TSC2: variants seen among roughly 807,000 people sequenced by gnomAD.
TSC2 encodes the protein tuberin.
TSC2 carries 29 observed loss-of-function variants against 202.2 expected under a neutral mutation model. The ratio of observed to expected loss-of-function variants is 0.14; its 90% CI spans 0.11 to 0.20. TSC2 has a LOEUF of 0.20. Among genes scored for constraint, TSC2 ranks in the 10% least tolerant of loss-of-function variants. The probability of loss-of-function intolerance (pLI) is 1.00; values close to 1 mark genes in which losing one functional copy is unlikely to be tolerated. For missense variants in TSC2, 2,429 were observed against 2,420.0 expected (o/e 1.00, Z -0.08); for synonymous variants, 1,349 against 1,044.0 (o/e 1.29, Z -5.63).
chr16:2,083,990 G>A (rs1426626297), intron 33 of TSC2, among the ~76,000 whole-genome samples, 174 bp downstream of exon 33: 1 of 152,250 alleles, frequency 6.6e-6, no homozygotes, highest in African/African-American at 2.4e-5. Flanking sequence ...ACCTGGGCCG[G>A]CCCTGGCTGC....
At chr16:2,081,991 C>G (rs1567512379) in intron 31 of TSC2, 193 bp downstream of exon 31, 1 of 801,870 alleles carries the variant, frequency 1.2e-6, no homozygotes, top group Non-Finnish European at 2.0e-6. Context: ...GCTCAGGAAG[C>G]TGGGGCTGGC....
intron 38 of TSC2, among the ~76,000 whole-genome samples, chr16:2,087,622 C>CCCCAGCAATTAGAGGTGT (rs1021674032): frequency 7.2e-5 from 11 of 152,120 alleles, no homozygotes; most frequent in East Asian, 3.9e-4. Flanking sequence ...AGTGGAGGTG[C>CCCCAGCAATTAGAGGTGT]CCCAGCAATT....
intron 26 of TSC2, chr16:2,078,456 T>G (rs1241016415): frequency 5.7e-6 from 1 of 175,432 alleles, no homozygotes; most frequent in Non-Finnish European, 1.2e-5. Flanking sequence ...GTGGTAGAGG[T>G]GCTCGGTGAG....
chr16:2,072,960 A>G lies in TSC2; in HGVS notation c.2332A>G (p.Asn778Asp), dbSNP rs1060500946. 6.2e-7 allele frequency: 1 copy of G among 1,613,554 alleles called. No individual in the cohort carries two copies. ...PVLTALISYH[N>D]YLDKTKQREM... ...GCTGACAGCATTAATCTCTTACCAT[A>G]ACTACCTGGACAAAACCAAACAGGT... Residue 778 changes from asparagine (N) to aspartate (D), a missense_variant, in exon 21 of 42, where the codon AAC becomes GAC. Coordinates refer to ENST00000219476, the MANE Select transcript of TSC2 (RefSeq NM_000548.5).
chr16:2,069,359 C>A (rs151255298), intron 16 of TSC2, among the ~76,000 whole-genome samples: 6 of 152,184 alleles, frequency 3.9e-5, no homozygotes, highest in Non-Finnish European at 5.9e-5. Flanking sequence ...CTCTGTCGCC[C>A]CAGCTGGAGT....
At chr16:2,082,158 C>G (rs1162438770) in intron 31 of TSC2, 12 of 594,746 alleles carry the variant, frequency 2.0e-5, no homozygotes, top group Non-Finnish European at 3.3e-5. Flanking sequence ...GGGCCCCCAC[C>G]CCACTCGGCA....
intron 32 of TSC2, chr16:2,082,899 C>A (rs748821625): frequency 2.6e-6 from 1 of 387,274 alleles, no homozygotes; most frequent in Non-Finnish European, 5.0e-6. Context: ...CCCCTGGCCT[C>A]TGGAACCCAC....
Position 2,072,226 on chromosome 16 carries a change from C to T in TSC2, c.2098-15C>T, listed in dbSNP as rs775111741. ...GGTCCAGAAGGCCCTGTCCTGACGCCTCCTCTCCTCGCAGGAGTCTGACTG... is the reference window on the plus strand; with the variant it reads ...GGTCCAGAAGGCCCTGTCCTGACGCTTCCTCTCCTCGCAGGAGTCTGACTG... On this transcript the variant is annotated splice_polypyrimidine_tract_variant and intron_variant, in intron 19 of 41. Transcript: ENST00000219476. The T allele has an allele frequency of 6.2e-7, 1 of 1,613,918 alleles. No individual in the cohort carries two copies. The highest frequency in any genetic ancestry group is 8.5e-7 in the Non-Finnish European group (1 of 1,180,042).
Position 2,056,968 on chromosome 16 carries a change from T to C in TSC2, c.775-137T>C. Reference sequence around the variant, plus strand: ...CATTTTGAGAACCCTGCTGCCTCTGTCTTTGGGAGGAGATGGTGGCGAGCT... The same window carrying C: ...CATTTTGAGAACCCTGCTGCCTCTGCCTTTGGGAGGAGATGGTGGCGAGCT... On this transcript the variant is annotated intron_variant, in intron 8 of 41. Transcript: ENST00000219476. 3.6e-6 allele frequency: 5 copies of C among 1,375,296 alleles called. No homozygotes were observed. The Admixed American group carries it at 9.8e-5, about 27-fold the overall frequency. 85.2% of individuals were successfully genotyped at this position (1,375,296 alleles called of 1,614,324 possible).
At position 2,064,142 on chromosome 16, in the gene TSC2, C is replaced by T. The variant is rs2086987614; in HGVS notation, c.1444-130C>T. 7 of 1,464,680 alleles carry T rather than the reference C, an allele frequency of 4.8e-6. No individual in the cohort carries two copies. The South Asian group carries it at 8.0e-5, about 17-fold the overall frequency. 90.7% of individuals were successfully genotyped at this position (1,464,680 alleles called of 1,614,324 possible). A position where few individuals can be genotyped will look rare whatever the true frequency, so the allele number is the denominator to read the frequency against. Reference sequence around the variant, plus strand: ...CGCGCTCAGCGGGTGCTTGTGCTCTCTGCCCAGCTGTGCTGAAGTCCCGAG... The same window carrying T: ...CGCGCTCAGCGGGTGCTTGTGCTCTTTGCCCAGCTGTGCTGAAGTCCCGAG... On this transcript the variant is annotated intron_variant, in intron 14 of 41. Transcript: ENST00000219476.
chr16:2,064,341 C>G lies in TSC2; in HGVS notation c.1513C>G (p.Arg505Gly), dbSNP rs45517179. 1.9e-6 allele frequency: 3 copies of G among 1,613,832 alleles called. No homozygotes were observed. The highest frequency in any genetic ancestry group is 2.2e-5 in the South Asian group (2 of 91,082). The change falls in exon 15 of 42, where the codon CGA becomes GGA. Residue 505 changes from arginine to glycine, a missense_variant. Arg to Gly is a moderately radical substitution (Grantham distance 125). Coordinates refer to ENST00000219476, the MANE Select transcript of TSC2 (RefSeq NM_000548.5). Reference protein sequence around the residue: ...HIPEDKDHQVRKLATQLLVDL... With the variant: ...HIPEDKDHQVGKLATQLLVDL... ...CCCCGAGGATAAAGACCACCAGGTC[C>G]GAAAGCTGGCCACCCAGTTGCTGGT...
intron 14 of TSC2, 91 bp from the exon 15 acceptor site, chr16:2,064,181 G>A: frequency 6.3e-7 from 1 of 1,598,608 alleles, no homozygotes; most frequent in Non-Finnish European, 8.6e-7. Flanking sequence ...CATGTCCGCT[G>A]CTTGCGGGTC....
intron 6 of TSC2, chr16:2,055,939 T>C (rs1407722137): frequency 1.9e-5 from 11 of 582,662 alleles, no homozygotes; most frequent in Non-Finnish European, 3.1e-5. Flanking sequence ...TCTGTTTAGC[T>C]CTCATCTGAT....
intron 17 of TSC2, 48 bp from the exon 18 acceptor site, chr16:2,071,462 G>T: frequency 6.2e-7 from 1 of 1,606,784 alleles, no homozygotes; most frequent in Non-Finnish European, 8.5e-7. Context: ...CGCCTGTCCT[G>T]GGCCTGCACG....
At chr16:2,076,297 T>G (rs1271566406) in intron 24 of TSC2, 127 bp downstream of exon 24, 1 of 1,562,584 alleles carries the variant, frequency 6.4e-7, no homozygotes, top group Non-Finnish European at 8.6e-7. Context: ...GGGCTGTGCC[T>G]GTGGCGCTGG....
chr16:2,083,759 G>T lies in TSC2; in HGVS notation c.3948G>T (p.Gly1316=), dbSNP rs763278787. The change falls in exon 33 of 42, where the codon GGG becomes GGT. Residue 1316 remains glycine, a synonymous_variant. Transcript: ENST00000219476. ...GEVPVLVEPP[G]LEDVEAALGM... is the part of the protein sequence containing the mutation. ...TTCCTGTGCTGGTGGAGCCCCCAGG[G>T]TTGGAGGACGTTGAGGCAGCGCTAG... is the stretch of plus-strand genomic sequence containing the variant. 1.2e-6 allele frequency: 2 copies of T among 1,610,066 alleles called. No individual in the cohort carries two copies. Among genetic ancestry groups the T allele is most frequent in the African/African-American group, 1.3e-5 (1 of 74,928 alleles).
intron 3 of TSC2, among the ~76,000 whole-genome samples, chr16:2,051,707 G>A: frequency 6.6e-6 from 1 of 152,180 alleles, no homozygotes; most frequent in Non-Finnish European, 1.5e-5. Flanking sequence ...GAGAGTGATT[G>A]CTACCTCTGC....
chr16:2,048,957 G>A (rs1411179056), intron 2 of TSC2, among the ~76,000 whole-genome samples: 1 of 152,204 alleles, frequency 6.6e-6, no homozygotes, highest in East Asian at 1.9e-4. Context: ...GCACACTTGA[G>A]TTACTATTCA....
rs958487832 is a variant in TSC2 at position 2,085,012 on chromosome 16, C to T, written c.4555C>T (p.Leu1519=). The change falls in exon 35 of 42, where the codon CTG becomes TTG. Residue 1519 remains leucine (L), a synonymous_variant. Transcript: ENST00000219476. ...TGGCGACGAGTCAAACAAGCCAATC[C>T]TGCTGCCCAATGAGGTAGGCGTGGC... The part of the protein sequence containing the change: ...FFGDESNKPI[L]LPNESQSFER... The T allele has an allele frequency of 6.2e-7, 1 of 1,613,320 alleles. No individual in the cohort carries two copies. The highest frequency in any genetic ancestry group is 1.3e-5 in the African/African-American group (1 of 74,940).
Sources: gnomAD v4.1 joint callset for allele counts (sites outside exome capture counted in the v4.1 genomes callset) on GRCh38, gnomAD v4.1.1 for gene constraint, MANE v1.5 for transcripts, NCBI Gene and HGNC (gene_info 2026-07-23, HGNC 2026-07-21) for gene names.